ELMO1: variants seen among roughly 807,000 people sequenced by gnomAD.
ELMO1 encodes the protein engulfment and cell motility protein 1.
ELMO1 carries 26 observed loss-of-function variants against 98.9 expected under a neutral mutation model. The ratio of observed to expected loss-of-function variants is 0.26; its 90% confidence interval spans 0.19 to 0.36. The LOEUF is 0.36. Among genes scored for constraint, ELMO1 ranks in the 10% least tolerant of loss-of-function variants. The pLI is 1.00. For synonymous variants in ELMO1, 346 were observed against 346.0 expected (o/e 1.00, Z 0.00); for missense variants, 627 against 935.2 (o/e 0.67, Z 4.30).
At chr7:37,023,028 C>A (rs529168164) in intron 15 of ELMO1, among the ~76,000 whole-genome samples, 1 of 152,246 alleles carries the variant, frequency 6.6e-6, no homozygotes, top group Admixed American at 6.5e-5. Context: ...AGGATATGAT[C>A]CTATTTATTT....
At chr7:37,126,237 G>A (rs2129292861) in intron 14 of ELMO1, among the ~76,000 whole-genome samples, 1 of 146,884 alleles carries the variant, frequency 6.8e-6, no homozygotes, top group African/African-American at 2.5e-5. Flanking sequence ...CATGGCACAT[G>A]TATACATATG....
At chr7:37,151,541 G>A (rs1788359967) in intron 13 of ELMO1, among the ~76,000 whole-genome samples, 1 of 152,100 alleles carries the variant, frequency 6.6e-6, no homozygotes, top group Admixed American at 6.6e-5. Context: ...CCACTTAAGT[G>A]ACACTATCTG....
At chr7:37,241,006 T>A (rs921164553) in intron 7 of ELMO1, among the ~76,000 whole-genome samples, 1 of 152,154 alleles carries the variant, frequency 6.6e-6, no homozygotes, top group Admixed American at 6.5e-5. Context: ...ATCATCTATA[T>A]CCTTAACATT....
At chr7:37,252,850 C>A (rs1054639011) in intron 6 of ELMO1, among the ~76,000 whole-genome samples, 2 of 152,106 alleles carry the variant, frequency 1.3e-5, no homozygotes, top group African/African-American at 4.8e-5. Flanking sequence ...GGGTTAATAT[C>A]CAAAATCTAC....
At chr7:37,120,956 C>G (rs1785984693) in intron 14 of ELMO1, among the ~76,000 whole-genome samples, 1 of 152,178 alleles carries the variant, frequency 6.6e-6, no homozygotes. Flanking sequence ...GCAGCAACAT[C>G]TGCTGTTTAC....
chr7:37,024,505 G>C (rs551560180), intron 15 of ELMO1, among the ~76,000 whole-genome samples: 1 of 152,166 alleles, frequency 6.6e-6, no homozygotes, highest in Non-Finnish European at 1.5e-5. Context: ...ATATTTCAGC[G>C]TATTATGGAT....
chr7:37,296,924 G>T (rs1285453591), intron 4 of ELMO1, among the ~76,000 whole-genome samples: 2 of 152,112 alleles, frequency 1.3e-5, no homozygotes, highest in Non-Finnish European at 2.9e-5. Context: ...AAGCCAATAC[G>T]CCTGAACTAT....
At chr7:37,440,872 C>T (rs183629073) in intron 1 of ELMO1, among the ~76,000 whole-genome samples, 1 of 152,052 alleles carries the variant, frequency 6.6e-6, no homozygotes, top group Admixed American at 6.6e-5. Context: ...GAATTCACTC[C>T]TCACTTGACC....
At chr7:37,014,165 TCTC>T (rs151136717) in intron 15 of ELMO1, among the ~76,000 whole-genome samples, 1,666 of 150,336 alleles carry the variant, frequency 0.011, 15 homozygotes, top group African/African-American at 0.03. Flanking sequence ...TGGTCCCTAC[TCTC>T]CTCCTCCTCC....
intron 1 of ELMO1, among the ~76,000 whole-genome samples, chr7:37,382,912 C>T (rs764805205): frequency 4.6e-5 from 7 of 152,156 alleles, no homozygotes; most frequent in Non-Finnish European, 7.3e-5. Context: ...TTGCAGGGCC[C>T]CAGGCCCAGA....
At position 36,901,082 on chromosome 7, in the gene ELMO1, G is replaced by C. The variant is rs539864471; in HGVS notation, c.1438-6065C>G. The stretch of plus-strand genomic sequence containing the variant: ...GTCAGAAGTGAGGGTACAAACTGAT[G>C]GCTTACCTGGTAGGGACAATTATTG... On this transcript the variant is annotated intron_variant, in intron 16 of 21. Coordinates refer to ENST00000310758, the MANE Select transcript of ELMO1 (RefSeq NM_014800.11). Among the ~76,000 whole-genome samples, 4 of 152,270 alleles carry C rather than the reference G, an allele frequency of 2.6e-5. No homozygotes were observed. In the South Asian group the frequency reaches 8.3e-4, roughly 32 times the overall value.
intron 15 of ELMO1, among the ~76,000 whole-genome samples, chr7:37,075,607 C>G (rs1160376501): frequency 6.6e-6 from 1 of 152,124 alleles, no homozygotes; most frequent in African/African-American, 2.4e-5. Flanking sequence ...TGGACACTGT[C>G]CTTTTATTTA....
chr7:37,328,393 A>AAAAAAAAC (rs1799932494), intron 2 of ELMO1, among the ~76,000 whole-genome samples: 1 of 149,778 alleles, frequency 6.7e-6, no homozygotes, highest in Non-Finnish European at 1.5e-5. Context: ...CAAAAAAAAA[A>AAAAAAAAC]AAAAAAAAAA....
chr7:36,894,158 G>A (rs577342883), intron 17 of ELMO1, among the ~76,000 whole-genome samples: 1 of 152,304 alleles, frequency 6.6e-6, no homozygotes, highest in East Asian at 1.9e-4. Context: ...GAGAAACAGA[G>A]CAGTTCTAAG....
intron 14 of ELMO1, among the ~76,000 whole-genome samples, chr7:37,123,496 A>T: frequency 6.6e-6 from 1 of 152,242 alleles, no homozygotes; most frequent in African/African-American, 2.4e-5. Context: ...CCATCGGAGA[A>T]TACTATAAAC....
chr7:36,972,573 C>T (rs973797598), intron 16 of ELMO1, among the ~76,000 whole-genome samples: 2 of 152,174 alleles, frequency 1.3e-5, no homozygotes, highest in Non-Finnish European at 2.9e-5. Context: ...ACTGTCTCCT[C>T]CCTGTGTCTC....
intron 1 of ELMO1, among the ~76,000 whole-genome samples, chr7:37,401,069 T>C: frequency 6.6e-6 from 1 of 152,070 alleles, no homozygotes. Context: ...GGAAAACCCC[T>C]AGGAACCCTA....
chr7:37,070,496 CTGTG>C (rs149094184), intron 15 of ELMO1, among the ~76,000 whole-genome samples: 1 of 151,692 alleles, frequency 6.6e-6, no homozygotes, highest in Non-Finnish European at 1.5e-5. Context: ...AATTTGTGAA[CTGTG>C]TGTGTGTGTG....
intron 13 of ELMO1, among the ~76,000 whole-genome samples, chr7:37,174,806 C>T (rs374245224): frequency 5.1e-4 from 78 of 152,282 alleles, no homozygotes; most frequent in Non-Finnish European, 8.1e-4. Context: ...AATATAATCA[C>T]GTCCACCTGA....
Sources: allele counts gnomAD v4.1 joint callset (sites outside exome capture counted in the v4.1 genomes callset), GRCh38; gene constraint gnomAD v4.1.1; transcripts MANE v1.5; gene names NCBI Gene and HGNC (gene_info 2026-07-23, HGNC 2026-07-21).